Variants in SIAH2 observed in about 807,000 individuals in gnomAD.
The protein encoded by SIAH2 is siah E3 ubiquitin protein ligase 2, also known as E3 ubiquitin-protein ligase SIAH2.
SIAH2 carries 4 observed loss-of-function variants against 20.4 expected under a neutral mutation model. The ratio of observed to expected loss-of-function variants is 0.20; its 90% CI spans 0.10 to 0.45. The LOEUF is 0.45. Ranked by LOEUF, SIAH2 falls within the 20% of genes least tolerant of loss-of-function variation. SIAH2 has a pLI of 0.99. For missense variants in SIAH2, 259 were observed against 440.3 expected, an observed-to-expected ratio of 0.59 and a Z score of 3.69; for synonymous variants, 171 against 192.5, an observed-to-expected ratio of 0.89 and a Z score of 0.93.
intron 1 of SIAH2, among the ~76,000 whole-genome samples, chr3:150,750,595 T>TA (rs1714334172): frequency 6.6e-6 from 1 of 152,164 alleles, no homozygotes; most frequent in African/African-American, 2.4e-5. Flanking sequence ...TTTTTTTTTT[T>TA]ATTGAAATGA....
At position 150,742,375 on chromosome 3, in the gene SIAH2, G is replaced by A. The variant is rs1200908678; in HGVS notation, c.741C>T (p.Ala247=). ...EKYEGHQQFF[A]IVLLIGTRKQ... ...TGCGGGTGCCAATGAGCAGGACGAT[G>A]GCAAAAAACTGCTGGTGGCCTTCGT... The change falls in exon 2 of 2, where the codon GCC becomes GCT. Residue 247 remains alanine (A), a synonymous_variant. Coordinates refer to ENST00000312960, the MANE Select transcript of SIAH2 (RefSeq NM_005067.7). The surrounding 1 kb of genome is among the most constrained non-coding windows in gnomAD (Gnocchi z 4.8). 2 of 1,614,160 alleles carry A rather than the reference G, an allele frequency of 1.2e-6. No homozygotes were observed. The highest frequency in any genetic ancestry group is 2.2e-5 in the South Asian group (2 of 91,078).
At chr3:150,752,938 A>C (rs1421383752) in intron 1 of SIAH2, among the ~76,000 whole-genome samples, 1 of 152,196 alleles carries the variant, frequency 6.6e-6, no homozygotes, top group African/African-American at 2.4e-5. Context: ...TTCTGCCCCC[A>C]AACTTAAAAA....
At chr3:150,757,483 C>CA (rs1365492555) in intron 1 of SIAH2, among the ~76,000 whole-genome samples, 1 of 152,116 alleles carries the variant, frequency 6.6e-6, no homozygotes, top group Non-Finnish European at 1.5e-5. Flanking sequence ...TAGGGCCTAA[C>CA]AGAGTTCCAA....
In SIAH2 at chr3:150,762,307, A is replaced by C; in HGVS notation, c.417+126T>G. The C allele has an allele frequency of 6.8e-7, 1 of 1,470,768 alleles. No individual in the cohort carries two copies. Among genetic ancestry groups the C allele is most frequent in the Non-Finnish European group, 8.9e-7 (1 of 1,119,160 alleles). The allele number at this position is 1,470,768 out of a possible 1,614,324, so 91.1% of individuals were successfully genotyped here. ...CTTGAGGGAGGGTGGACGAAGTGTA[A>C]ACATTTTTTCTTTTTTTTTTTTAAA... On this transcript the variant is annotated intron_variant, in intron 1 of 1. Coordinates refer to ENST00000312960, the MANE Select transcript of SIAH2 (RefSeq NM_005067.7). This position sits in a 1 kb window ranked among gnomAD's most constrained non-coding sequence, Gnocchi z 6.6.
intron 1 of SIAH2, among the ~76,000 whole-genome samples, chr3:150,747,102 TAAAC>T (rs1439448981): frequency 1.3e-5 from 2 of 152,068 alleles, no homozygotes; most frequent in Non-Finnish European, 2.9e-5. Flanking sequence ...TTGGGAAAAA[TAAAC>T]AAATAATTTA....
At chr3:150,749,475 G>A (rs1443692366) in intron 1 of SIAH2, among the ~76,000 whole-genome samples, 1 of 152,182 alleles carries the variant, frequency 6.6e-6, no homozygotes, top group Non-Finnish European at 1.5e-5. Flanking sequence ...CCGCCCTCCA[G>A]CCTGGGCAAC....
chr3:150,746,127 C>T (rs1024024758), intron 1 of SIAH2, among the ~76,000 whole-genome samples: 39 of 152,134 alleles, frequency 2.6e-4, no homozygotes, highest in African/African-American at 9.4e-4. Flanking sequence ...AGGCGCGCTG[C>T]TCACACCTGT....
At chr3:150,746,076 G>T (rs1000307205) in intron 1 of SIAH2, among the ~76,000 whole-genome samples, 1 of 152,110 alleles carries the variant, frequency 6.6e-6, no homozygotes, top group Admixed American at 6.6e-5. Flanking sequence ...CTAGCACAGG[G>T]TGAGTGGAGG....
rs1032531271 is a variant in SIAH2 at position 150,754,077 on chromosome 3, G to A, written c.417+8356C>T. On this transcript the variant is annotated intron_variant, in intron 1 of 1. Coordinates refer to ENST00000312960, the MANE Select transcript of SIAH2 (RefSeq NM_005067.7). The stretch of plus-strand genomic sequence containing the variant: ...CACTGTAGAAAAGCAGTCACGATGT[G>A]TTAGATAAAGAATGTGTTAGATAAA... Among the ~76,000 whole-genome samples the A allele has an allele frequency of 2.0e-4, 31 of 152,306 alleles. No individual in the cohort carries two copies. The East Asian group carries it at 5.4e-3, about 27-fold the overall frequency.
At chr3:150,751,140 G>C (rs1001733653) in intron 1 of SIAH2, among the ~76,000 whole-genome samples, 45 of 152,130 alleles carry the variant, frequency 3.0e-4, no homozygotes, top group Admixed American at 8.5e-4. Context: ...GCAGTGTGAA[G>C]AGATAATCAG....
chr3:150,757,211 G>A (rs1354016561), intron 1 of SIAH2, among the ~76,000 whole-genome samples: 1 of 152,158 alleles, frequency 6.6e-6, no homozygotes, highest in Non-Finnish European at 1.5e-5. Context: ...GAGAACCCAG[G>A]TCTTCTGTTT....
intron 1 of SIAH2, among the ~76,000 whole-genome samples, chr3:150,745,497 TTTTC>T (rs1456486780): frequency 1.3e-5 from 2 of 150,416 alleles, no homozygotes; most frequent in Admixed American, 6.6e-5. Flanking sequence ...TTGTGTTTTC[TTTTC>T]TTTTTTTTTT....
At chr3:150,744,537 T>C (rs1714168333) in intron 1 of SIAH2, among the ~76,000 whole-genome samples, 1 of 152,186 alleles carries the variant, frequency 6.6e-6, no homozygotes, top group Non-Finnish European at 1.5e-5. Flanking sequence ...ATTAACTGTG[T>C]TTTAAATCTA....
rs547133210 is a variant in SIAH2, at chr3:150,749,265, G to A, written c.418-6567C>T. On this transcript the variant is annotated intron_variant, in intron 1 of 1. Coordinates refer to ENST00000312960, the MANE Select transcript of SIAH2 (RefSeq NM_005067.7). ...TGTAATCCAAGCACTCTGGGAGGCCGAGATGAAGGGACTGCTTGAGCCCAG... is the reference window on the plus strand; with the variant it reads ...TGTAATCCAAGCACTCTGGGAGGCCAAGATGAAGGGACTGCTTGAGCCCAG... Among the ~76,000 whole-genome samples, 4 of 152,214 alleles carry A rather than the reference G, an allele frequency of 2.6e-5. No homozygotes were observed. The South Asian group carries it at 6.2e-4, about 24-fold the overall frequency.
rs1053573457 is a variant in SIAH2, at chr3:150,741,127, C to G, written c.*1014G>C. 9 of 152,566 alleles carry G rather than the reference C, an allele frequency of 5.9e-5. No homozygotes were observed. Among genetic ancestry groups the G allele is most frequent in the Non-Finnish European group, 1.0e-4 (7 of 68,024 alleles). The allele number at this position is 152,566 out of a possible 1,614,324, so 9.5% of individuals were successfully genotyped here. ...AATTAGGGAAATGAAGCACAATATC[C>G]ATTTTTGGAAAATATTTATTAAAAA... On this transcript the variant is annotated 3_prime_UTR_variant, in exon 2 of 2. Coordinates refer to ENST00000312960, the MANE Select transcript of SIAH2 (RefSeq NM_005067.7).
In SIAH2 at chr3:150,742,380, A is replaced by G. The variant is rs759943146; in HGVS notation, c.736T>C (p.Phe246Leu). 6.2e-7 allele frequency: 1 copy of G among 1,614,144 alleles called. No homozygotes were observed. The change falls in exon 2 of 2, where the codon TTT becomes CTT. Residue 246 changes from phenylalanine to leucine, a missense_variant. Phe to Leu is a conservative substitution (Grantham distance 22). Coordinates refer to ENST00000312960, the MANE Select transcript of SIAH2 (RefSeq NM_005067.7). This position sits in a 1 kb window ranked among gnomAD's most constrained non-coding sequence, Gnocchi z 4.8. ...GTGCCAATGAGCAGGACGATGGCAA[A>G]AAACTGCTGGTGGCCTTCGTACTTC... ...QEKYEGHQQF[F>L]AIVLLIGTRK...
At chr3:150,757,200 C>T (rs967730383) in intron 1 of SIAH2, among the ~76,000 whole-genome samples, 54 of 152,070 alleles carry the variant, frequency 3.6e-4, no homozygotes, top group African/African-American at 1.2e-3. Context: ...AAAGCCAGGA[C>T]GAGAACCCAG....
chr3:150,762,310 AT>A lies in SIAH2; in HGVS notation c.417+122del. ...GAGGGAGGGTGGACGAAGTGTAAAC[AT>A]TTTTTCTTTTTTTTTTTTAAATGAG... On this transcript the variant is annotated intron_variant, in intron 1 of 1. Transcript: ENST00000312960. This position sits in a 1 kb window ranked among gnomAD's most constrained non-coding sequence, Gnocchi z 6.6. 6.8e-7 allele frequency: 1 copy of A among 1,465,108 alleles called. No homozygotes were observed. The highest frequency in any genetic ancestry group is 8.9e-7 in the Non-Finnish European group (1 of 1,117,584). The allele number at this position is 1,465,108 out of a possible 1,614,324, so 90.8% of individuals were successfully genotyped here.
At chr3:150,748,199 G>A (rs1357967670) in intron 1 of SIAH2, among the ~76,000 whole-genome samples, 1 of 152,036 alleles carries the variant, frequency 6.6e-6, no homozygotes, top group Non-Finnish European at 1.5e-5. Context: ...CTGGGTGTGG[G>A]GTTTGAAGGT....
Sources: allele counts gnomAD v4.1 joint callset (sites outside exome capture counted in the v4.1 genomes callset), GRCh38; gene constraint gnomAD v4.1.1; non-coding constraint Gnocchi (gnomAD v3.1); transcripts MANE v1.5; gene names NCBI Gene and HGNC (gene_info 2026-07-23, HGNC 2026-07-21).